TDP2: variants seen among roughly 807,000 people sequenced by gnomAD.
The protein encoded by TDP2 is 5'-Tyr-DNA phosphodiesterase.
Under a neutral mutation model 42.8 loss-of-function variants are expected in TDP2, and 38 were observed. That is an observed-to-expected ratio of 0.89 (90% CI 0.68 to 1.16). The LOEUF (loss-of-function observed/expected upper bound fraction) is 1.16. Ranked by LOEUF, TDP2 falls within the 50% of genes most tolerant of loss-of-function variation. The probability of loss-of-function intolerance (pLI) is 0.00; values close to 1 mark genes in which losing one functional copy is unlikely to be tolerated. For synonymous variants in TDP2, 173 were observed against 150.6 expected (o/e 1.15, Z -1.09); for missense variants, 439 against 439.3 (o/e 1.00, Z 0.01).
chr6:24,651,498 T>C (rs1349333209), intron 6 of TDP2, among the ~76,000 whole-genome samples: 1 of 152,238 alleles, frequency 6.6e-6, no homozygotes, highest in Non-Finnish European at 1.5e-5. Context: ...TTGAAGTTTA[T>C]TAATAATATT....
intron 2 of TDP2, 187 bp from the exon 3 acceptor site, chr6:24,658,921 G>A (rs566650556): frequency 5.3e-5 from 32 of 604,230 alleles, no homozygotes; most frequent in African/African-American, 2.2e-4. Flanking sequence ...CATTAATCAC[G>A]CTGCACTTTG....
At chr6:24,658,049 TATAAA>T (rs1778084993) in intron 3 of TDP2, 146 bp from the exon 4 acceptor site, 1 of 531,492 alleles carries the variant, frequency 1.9e-6, no homozygotes, top group Non-Finnish European at 3.3e-6. Context: ...CTTTGATAAC[TATAAA>T]ATGAGAAAGA....
At chr6:24,655,942 C>T (rs1329922111) in intron 4 of TDP2, among the ~76,000 whole-genome samples, 3 of 152,200 alleles carry the variant, frequency 2.0e-5, no homozygotes, top group Non-Finnish European at 4.4e-5. Flanking sequence ...ACTACTTAGC[C>T]TTGCTCAGGC....
At chr6:24,666,294 C>T (rs1008627451) in intron 2 of TDP2, 18 of 1,532,022 alleles carry the variant, frequency 1.2e-5, no homozygotes, top group Non-Finnish European at 1.3e-5. Flanking sequence ...ATCTTTTCCT[C>T]CCTGGACCCC....
At chr6:24,664,827 G>A (rs1778205080) in intron 2 of TDP2, among the ~76,000 whole-genome samples, 1 of 152,166 alleles carries the variant, frequency 6.6e-6, no homozygotes, top group East Asian at 1.9e-4. Flanking sequence ...AGTTCTGAGA[G>A]ACAAGAGACC....
In TDP2 at chr6:24,654,448, T is replaced by C. The variant is rs1303059164; in HGVS notation, c.600A>G (p.Pro200=). Residue 200 remains proline, a synonymous_variant, in exon 5 of 7, where the codon CCA becomes CCG. Transcript: ENST00000378198. The part of the protein sequence containing the change: ...KLKSQEIIPF[P]STKMMRNLLC... ...AAAGGTTTCTCATCATTTTGGTACT[T>C]GGAAAAGGAATAATCTCTTGGCTTT... is the stretch of plus-strand genomic sequence containing the variant. The C allele has an allele frequency of 6.3e-7, 1 of 1,579,142 alleles. No individual in the cohort carries two copies. Among genetic ancestry groups the C allele is most frequent in the South Asian group, 1.1e-5 (1 of 87,096 alleles).
At chr6:24,665,869 G>C (rs1047269645) in intron 2 of TDP2, 3 of 411,122 alleles carry the variant, frequency 7.3e-6, no homozygotes, top group African/African-American at 6.2e-5. Flanking sequence ...GCAAGGAAGG[G>C]AAAAGAAAAA....
In TDP2 at chr6:24,666,708, C is replaced by T. The variant is rs753218291; in HGVS notation, c.155G>A (p.Trp52Ter). The T allele has an allele frequency of 2.5e-6, 4 of 1,614,266 alleles. No individual in the cohort carries two copies. The South Asian group carries it at 4.4e-5, about 18-fold the overall frequency. ...ACAGCGAAAGCGTACTTCCATCTCC[C>T]AGTCGTTCTCGGCCAGGAAGCACTG... ...VAQCFLAEND[W>*]EMERALNSYF... Residue 52 changes from tryptophan to a stop codon, truncating the protein, a stop_gained, in exon 1 of 7, where the codon TGG becomes TAG. Coordinates refer to ENST00000378198, the MANE Select transcript of TDP2 (RefSeq NM_016614.3). LOFTEE classifies it high-confidence loss of function.
Position 24,654,521 on chromosome 6 carries a change from T to A in TDP2, c.527A>T (p.Glu176Val), listed in dbSNP as rs765344588. The A allele has an allele frequency of 6.7e-7, 1 of 1,492,850 alleles. No homozygotes were observed. 92.5% of individuals were successfully genotyped at this position (1,492,850 alleles called of 1,614,324 possible). ...SNYEIITGHE[E>V]GYFTAIMLKK... ...CAACATTATAGCTGTGAAATATCCT[T>A]CTTCATGACCTACAAATGTTTGTGG... Residue 176 changes from glutamate to valine, a missense_variant, in exon 5 of 7, where the codon GAA becomes GTA. Glu to Val is a moderately radical substitution (Grantham distance 121, BLOSUM62 -2). Transcript: ENST00000378198.
intron 5 of TDP2, among the ~76,000 whole-genome samples, chr6:24,653,967 C>A (rs1778017389): frequency 6.6e-6 from 1 of 152,212 alleles, no homozygotes; most frequent in Non-Finnish European, 1.5e-5. Context: ...TAAAAGTCAT[C>A]TCTCCTTTCT....
At chr6:24,656,974 TGA>T (rs1271168772) in intron 4 of TDP2, among the ~76,000 whole-genome samples, 1 of 152,270 alleles carries the variant, frequency 6.6e-6, no homozygotes, top group Non-Finnish European at 1.5e-5. Context: ...ACACACAGAC[TGA>T]GAGAGAACCC....
At chr6:24,662,180 G>A (rs992064837) in intron 2 of TDP2, among the ~76,000 whole-genome samples, 2 of 152,112 alleles carry the variant, frequency 1.3e-5, no homozygotes, top group East Asian at 3.9e-4. Context: ...GAGACAGCCT[G>A]AGATAATGGC....
intron 3 of TDP2, 107 bp from the exon 4 acceptor site, chr6:24,658,010 G>T: frequency 4.5e-6 from 3 of 667,182 alleles, no homozygotes; most frequent in Non-Finnish European, 7.7e-6. Context: ...AACCCTCTAG[G>T]GCACCTAATA....
Position 24,666,853 on chromosome 6 carries a change from C to G in TDP2, c.10G>C (p.Gly4Arg). 6.2e-7 allele frequency: 1 copy of G among 1,613,946 alleles called. No individual in the cohort carries two copies. The highest frequency in any genetic ancestry group is 1.1e-5 in the South Asian group (1 of 91,092). The stretch of plus-strand genomic sequence containing the variant: ...TCCCTCCCGCCCTCCAGGCAACTCC[C>G]CAACTCCATCTTCCTGCCGCCTCTG... MEL[G>R]SCLEGGREAA... Residue 4 changes from glycine to arginine, a missense_variant, in exon 1 of 7, where the codon GGG becomes CGG. Coordinates refer to ENST00000378198, the MANE Select transcript of TDP2 (RefSeq NM_016614.3).
In TDP2 at chr6:24,651,031, A is replaced by T; in HGVS notation, c.846T>A (p.Asp282Glu). ...RCGGLPNNIVDVWEFLGKPKH... is the reference protein window; with the variant it reads ...RCGGLPNNIVEVWEFLGKPKH... ...TAGGTTTGCCCAAAAACTCCCAGAC[A>T]TCCACAATGTTGTTGGGTAAACCAC... Residue 282 changes from aspartate (D) to glutamate (E), a missense_variant, in exon 7 of 7, where the codon GAT becomes GAA. By Grantham distance (45) the Asp-to-Glu change is conservative (BLOSUM62 2). Transcript: ENST00000378198. 6.2e-7 allele frequency: 1 copy of T among 1,613,932 alleles called. No individual in the cohort carries two copies. Among genetic ancestry groups the T allele is most frequent in the South Asian group, 1.1e-5 (1 of 91,080 alleles).
At chr6:24,660,805 A>G (rs890327266) in intron 2 of TDP2, among the ~76,000 whole-genome samples, 9 of 146,616 alleles carry the variant, frequency 6.1e-5, no homozygotes, top group African/African-American at 2.0e-4. Context: ...TTTGTCTCTC[A>G]TGACTCTGAC....
intron 3 of TDP2, 86 bp from the exon 4 acceptor site, chr6:24,657,989 C>A: frequency 1.1e-6 from 1 of 895,904 alleles, no homozygotes; most frequent in South Asian, 1.6e-5. Flanking sequence ...CACAACATAC[C>A]AAAAACAAAA....
chr6:24,663,912 G>A (rs17249876), intron 2 of TDP2, among the ~76,000 whole-genome samples: 2,842 of 152,242 alleles, frequency 0.019, 90 homozygotes, highest in African/African-American at 0.064. Flanking sequence ...ATTTAATGCA[G>A]CAAGAAAAAC....
In TDP2 at chr6:24,650,132, G is replaced by T. The variant is rs551243721; in HGVS notation, c.*656C>A. On this transcript the variant is annotated 3_prime_UTR_variant, in exon 7 of 7. Coordinates refer to ENST00000378198, the MANE Select transcript of TDP2 (RefSeq NM_016614.3). ...TATGTCTCTTCATGCATTTATTTTT[G>T]TTAGAAAAATGTCCCATGGTGCTAT... is the stretch of plus-strand genomic sequence containing the variant. 2.4e-4 allele frequency: 36 copies of T among 152,108 alleles called. 1 individual carries two copies. The highest frequency in any genetic ancestry group is 8.7e-4 in the African/African-American group (36 of 41,494). The allele number at this position is 152,108 out of a possible 1,614,324, so 9.4% of individuals were successfully genotyped here.
Sources: allele counts gnomAD v4.1 joint callset (sites outside exome capture counted in the v4.1 genomes callset), GRCh38; gene constraint gnomAD v4.1.1; transcripts MANE v1.5; gene names NCBI Gene and HGNC (gene_info 2026-07-23, HGNC 2026-07-21).